ADAMTSL3: variants seen among roughly 807,000 people sequenced by gnomAD.
ADAMTSL3 encodes the protein ADAMTS like 3.
Under a neutral mutation model 201.7 loss-of-function variants are expected in ADAMTSL3, and 128 were observed. The ratio of observed to expected loss-of-function variants is 0.63; its 90% CI spans 0.55 to 0.73. The LOEUF is 0.73. Among genes scored for constraint, ADAMTSL3 ranks in the 30% least tolerant of loss-of-function variants. The pLI is 0.00. For missense variants in ADAMTSL3, 1,990 were observed against 2,119.6 expected (o/e 0.94, Z 1.20); for synonymous variants, 738 against 748.4 (o/e 0.99, Z 0.23).
At position 83,942,579 on chromosome 15, in the gene ADAMTSL3, C is replaced by G. The variant is rs771970563; in HGVS notation, c.2118-17C>G. On this transcript the variant is annotated splice_polypyrimidine_tract_variant and intron_variant, in intron 17 of 29. Transcript: ENST00000286744. ...TTATTGGACTGTTCAACTTTCCCCA[C>G]TTGTTTTCTGTTTTAGGTGGCATGT... 37 of 1,605,040 alleles carry G rather than the reference C, an allele frequency of 2.3e-5. No homozygotes were observed. Among genetic ancestry groups the G allele is most frequent in the Non-Finnish European group, 8.5e-6 (10 of 1,176,256 alleles).
At chr15:83,712,846 A>G (rs975190086) in intron 3 of ADAMTSL3, among the ~76,000 whole-genome samples, 2 of 152,160 alleles carry the variant, frequency 1.3e-5, no homozygotes, top group African/African-American at 2.4e-5. Flanking sequence ...ACCCATTCCA[A>G]GTGTCCAAAC....
intron 8 of ADAMTSL3, chr15:83,862,301 G>A (rs961843047): frequency 7.2e-5 from 11 of 152,102 alleles, no homozygotes; most frequent in African/African-American, 2.7e-4. Context: ...AAGAGCAACT[G>A]CAACACACAT....
At chr15:83,719,059 G>A (rs1171932676) in intron 3 of ADAMTSL3, among the ~76,000 whole-genome samples, 1 of 152,106 alleles carries the variant, frequency 6.6e-6, no homozygotes, top group African/African-American at 2.4e-5. Flanking sequence ...AGCCAATAAA[G>A]TCGCAAAAAG....
intron 9 of ADAMTSL3, among the ~76,000 whole-genome samples, chr15:83,873,192 C>T (rs112004944): frequency 3.5e-5 from 5 of 144,276 alleles, no homozygotes; most frequent in Admixed American, 1.4e-4. Context: ...TAATCCCAGC[C>T]ACTCAGGGGG....
chr15:83,848,578 C>T (rs2064548375), intron 7 of ADAMTSL3, among the ~76,000 whole-genome samples: 1 of 152,186 alleles, frequency 6.6e-6, no homozygotes. Flanking sequence ...AAATGAAACT[C>T]TGTGTGATGA....
chr15:83,779,690 T>TC (rs370824167), intron 4 of ADAMTSL3, among the ~76,000 whole-genome samples: 5,630 of 91,262 alleles, frequency 0.062, 431 homozygotes, highest in African/African-American at 0.23. Flanking sequence ...AGAGCAAGAC[T>TC]CCATCTCAAA....
At chr15:84,018,033 C>G (rs1039227201) in intron 25 of ADAMTSL3, among the ~76,000 whole-genome samples, 1 of 152,188 alleles carries the variant, frequency 6.6e-6, no homozygotes, top group Non-Finnish European at 1.5e-5. Context: ...GTCAGAGAAA[C>G]CATGGTGTGT....
chr15:83,909,318 A>G (rs934413726), intron 15 of ADAMTSL3, among the ~76,000 whole-genome samples: 6 of 152,086 alleles, frequency 3.9e-5, no homozygotes, highest in Non-Finnish European at 8.8e-5. Flanking sequence ...AGGAGCCATT[A>G]TTCTGCCTAC....
chr15:83,763,346 G>T (rs1296917465), intron 3 of ADAMTSL3, among the ~76,000 whole-genome samples: 1 of 151,758 alleles, frequency 6.6e-6, no homozygotes, highest in African/African-American at 2.4e-5. Flanking sequence ...GCCACACTCA[G>T]TTTTAATTAT....
At chr15:83,727,405 T>G (rs2062195786) in intron 3 of ADAMTSL3, among the ~76,000 whole-genome samples, 1 of 152,006 alleles carries the variant, frequency 6.6e-6, no homozygotes, top group Admixed American at 6.6e-5. Context: ...CTGATGTTTA[T>G]TATTCCATTT....
In ADAMTSL3 at chr15:83,982,137, A is replaced by G. The variant is rs965865299; in HGVS notation, c.2645-136A>G. ...GATGTATAATGTTATTCATGGTTTT[A>G]TTCTTGAATGTTTTAAAATAGTAAA... On this transcript the variant is annotated intron_variant, in intron 20 of 29. Transcript: ENST00000286744. The G allele has an allele frequency of 4.3e-6, 3 of 704,392 alleles. No individual in the cohort carries two copies. In the South Asian group the frequency reaches 6.1e-5, roughly 14 times the overall value. The allele number at this position is 704,392 out of a possible 1,614,324, so 43.6% of individuals were successfully genotyped here.
chr15:83,856,535 C>T (rs2064737914), intron 7 of ADAMTSL3, among the ~76,000 whole-genome samples: 1 of 151,994 alleles, frequency 6.6e-6, no homozygotes, highest in Admixed American at 6.6e-5. Context: ...TACCAAAAAA[C>T]ATCTGTGAGA....
chr15:83,724,719 G>A (rs1435461883), intron 3 of ADAMTSL3, among the ~76,000 whole-genome samples: 1 of 151,372 alleles, frequency 6.6e-6, no homozygotes, highest in Non-Finnish European at 1.5e-5. Flanking sequence ...CTAGCCACTG[G>A]TGACCACCAT....
intron 4 of ADAMTSL3, among the ~76,000 whole-genome samples, chr15:83,782,869 TTAAAA>T (rs1417048122): frequency 2.0e-5 from 3 of 150,796 alleles, no homozygotes; most frequent in Non-Finnish European, 4.4e-5. Flanking sequence ...ACCTCTGAAC[TTAAAA>T]TAAAGGTTAA....
intron 3 of ADAMTSL3, chr15:83,739,830 T>C (rs566114726): frequency 2.3e-4 from 136 of 601,384 alleles, no homozygotes; most frequent in Middle Eastern, 1.7e-3. Context: ...GGTGTCCAGA[T>C]TGGCAATGCC....
chr15:83,964,291 G>T (rs2067035019), intron 19 of ADAMTSL3, among the ~76,000 whole-genome samples: 1 of 152,046 alleles, frequency 6.6e-6, no homozygotes, highest in South Asian at 2.1e-4. Flanking sequence ...AGGGTTAGAG[G>T]AATTGCTAAC....
chr15:83,976,259 G>A (rs1011209168), intron 20 of ADAMTSL3, among the ~76,000 whole-genome samples: 1 of 152,090 alleles, frequency 6.6e-6, no homozygotes, highest in Admixed American at 6.6e-5. Flanking sequence ...GTCATTGAAT[G>A]CAGAGTTGGG....
intron 19 of ADAMTSL3, among the ~76,000 whole-genome samples, chr15:83,952,312 G>A (rs894959543): frequency 6.6e-6 from 1 of 152,204 alleles, no homozygotes; most frequent in Non-Finnish European, 1.5e-5. Context: ...ATTGTGGTCA[G>A]AAAAGGTGCT....
intron 17 of ADAMTSL3, among the ~76,000 whole-genome samples, chr15:83,931,354 G>C (rs1484228216): frequency 6.6e-6 from 1 of 152,170 alleles, no homozygotes; most frequent in Non-Finnish European, 1.5e-5. Context: ...AATAAAAACA[G>C]CTCCATCTCC....
Sources: gnomAD v4.1 joint callset for allele counts (sites outside exome capture counted in the v4.1 genomes callset) on GRCh38, gnomAD v4.1.1 for gene constraint, MANE v1.5 for transcripts, NCBI Gene and HGNC (gene_info 2026-07-23, HGNC 2026-07-21) for gene names.